TAF4B: variants seen among roughly 807,000 people sequenced by gnomAD.
The protein encoded by TAF4B is TATA-box binding protein associated factor 4b.
A neutral mutation model predicts 86.4 loss-of-function variants in TAF4B; 38 were observed. That is an observed-to-expected ratio of 0.44 (90% CI 0.34 to 0.58). The LOEUF (loss-of-function observed/expected upper bound fraction) is 0.58, where lower values mean the gene tolerates loss of function less well. Among genes scored for constraint, TAF4B ranks in the 20% least tolerant of loss-of-function variants. TAF4B has a pLI of 0.02. For synonymous variants in TAF4B, 388 were observed against 391.2 expected (o/e 0.99, Z 0.10); for missense variants, 988 against 1,027.6 (o/e 0.96, Z 0.53).
intron 7 of TAF4B, among the ~76,000 whole-genome samples, chr18:26,289,314 G>A (rs937072996): frequency 5.9e-5 from 9 of 152,072 alleles, no homozygotes; most frequent in Admixed American, 2.6e-4. Context: ...AAGAAATATG[G>A]CAAATAATCA....
rs1439380597 is a variant in TAF4B, at chr18:26,279,226, A to T, written c.883-2745A>T. 2.6e-5 allele frequency among the ~76,000 whole-genome samples: 4 copies of T among 152,240 alleles called. No individual in the cohort carries two copies. The South Asian group carries it at 6.2e-4, about 24-fold the overall frequency. ...AAAATCAGCATTTCTATACACCAAAAATGTTCTAGCTAAGAGCCAAATCAA... is the reference window on the plus strand; with the variant it reads ...AAAATCAGCATTTCTATACACCAAATATGTTCTAGCTAAGAGCCAAATCAA... On this transcript the variant is annotated intron_variant, in intron 5 of 14. Coordinates refer to ENST00000269142, the MANE Select transcript of TAF4B (RefSeq NM_005640.3).
intron 1 of TAF4B, among the ~76,000 whole-genome samples, chr18:26,237,431 G>A (rs758609053): frequency 3.3e-5 from 5 of 152,122 alleles, no homozygotes; most frequent in Non-Finnish European, 5.9e-5. Flanking sequence ...ATGTATCCAG[G>A]TTGGGCCAAA....
At chr18:26,241,509 A>G (rs1196082919) in intron 1 of TAF4B, among the ~76,000 whole-genome samples, 1 of 151,990 alleles carries the variant, frequency 6.6e-6, no homozygotes, top group Admixed American at 6.5e-5. Context: ...CGGACTATTA[A>G]TTTTGTTGAT....
chr18:26,292,526 T>TA (rs764534708), intron 8 of TAF4B, 145 bp downstream of exon 8: 6 of 876,050 alleles, frequency 6.8e-6, no homozygotes, highest in Non-Finnish European at 8.4e-6. Context: ...AGATAATCGT[T>TA]AGATTTCTCT....
At chr18:26,373,765 A>G (rs1159223836) in intron 14 of TAF4B, among the ~76,000 whole-genome samples, 1 of 152,026 alleles carries the variant, frequency 6.6e-6, no homozygotes, top group Non-Finnish European at 1.5e-5. Flanking sequence ...ATTTGTATTC[A>G]TTCATTCATT....
At chr18:26,245,077 C>T (rs962071107) in intron 1 of TAF4B, among the ~76,000 whole-genome samples, 5 of 152,156 alleles carry the variant, frequency 3.3e-5, no homozygotes, top group Admixed American at 2.6e-4. Flanking sequence ...TGTTAGAGAG[C>T]CCTTTCCCAG....
intron 5 of TAF4B, among the ~76,000 whole-genome samples, chr18:26,278,565 C>T (rs186981186): frequency 2.0e-5 from 3 of 151,524 alleles, no homozygotes; most frequent in Admixed American, 1.3e-4. Context: ...ACCCTTGGCC[C>T]GCCAAAGTAC....
chr18:26,372,822 T>A (rs1232094583), intron 14 of TAF4B, among the ~76,000 whole-genome samples: 7 of 95,558 alleles, frequency 7.3e-5, no homozygotes, highest in Non-Finnish European at 1.5e-4. Flanking sequence ...TACAAAAAAA[T>A]AGCCGGGCAT....
At chr18:26,336,379 T>TTAA (rs1285475919) in intron 13 of TAF4B, among the ~76,000 whole-genome samples, 4 of 152,174 alleles carry the variant, frequency 2.6e-5, no homozygotes, top group African/African-American at 7.2e-5. Flanking sequence ...TAAAGGCCCT[T>TTAA]ATTGTTTGGA....
At chr18:26,360,404 A>G (rs1436209199) in intron 14 of TAF4B, among the ~76,000 whole-genome samples, 2 of 152,210 alleles carry the variant, frequency 1.3e-5, no homozygotes, top group Non-Finnish European at 2.9e-5. Flanking sequence ...AAGGAAATAG[A>G]ACAACCCATT....
intron 1 of TAF4B, among the ~76,000 whole-genome samples, chr18:26,229,700 A>ATTTTTAGTAGAGATGG (rs2055634568): frequency 6.6e-6 from 1 of 151,846 alleles, no homozygotes; most frequent in Non-Finnish European, 1.5e-5. Flanking sequence ...ATGGGGTTTC[A>ATTTTTAGTAGAGATGG]CCATGTTGGC....
chr18:26,289,177 C>CGA (rs10646380), intron 7 of TAF4B, among the ~76,000 whole-genome samples: 141,059 of 152,144 alleles, frequency 0.93, 65,764 homozygotes, highest in East Asian at 0.99. Context: ...TAATATTACT[C>CGA]GTTTGAAAGT....
At chr18:26,336,420 A>T (rs1359482080) in intron 13 of TAF4B, among the ~76,000 whole-genome samples, 1 of 152,186 alleles carries the variant, frequency 6.6e-6, no homozygotes, top group East Asian at 1.9e-4. Context: ...AAACAAGTGG[A>T]AATCTAGTAA....
chr18:26,255,562 A>G, intron 1 of TAF4B: 1 of 582,236 alleles, frequency 1.7e-6, no homozygotes, highest in Non-Finnish European at 3.0e-6. Context: ...AGATCACGCC[A>G]CTGCACTCCA....
chr18:26,246,093 A>G (rs567172197), intron 1 of TAF4B, among the ~76,000 whole-genome samples: 1 of 152,246 alleles, frequency 6.6e-6, no homozygotes, highest in Non-Finnish European at 1.5e-5. Flanking sequence ...TGTAATCAAC[A>G]GTATTAATAC....
intron 1 of TAF4B, among the ~76,000 whole-genome samples, chr18:26,239,234 C>T (rs1426960152): frequency 6.6e-6 from 1 of 152,204 alleles, no homozygotes; most frequent in Non-Finnish European, 1.5e-5. Context: ...TATTTCTCCA[C>T]ATCCTCTCCA....
chr18:26,355,635 G>A (rs549866248), intron 13 of TAF4B, among the ~76,000 whole-genome samples: 1 of 152,292 alleles, frequency 6.6e-6, no homozygotes, highest in South Asian at 2.1e-4. Flanking sequence ...TTTGCAGAAT[G>A]GGAGAAAATG....
rs556119616 is a variant in TAF4B at position 26,361,740 on chromosome 18, G to A, written c.2421+3946G>A. 1.4e-4 allele frequency among the ~76,000 whole-genome samples: 16 copies of A among 116,076 alleles called. No individual in the cohort carries two copies. In the East Asian group the frequency reaches 2.4e-3, roughly 18 times the overall value. 76.2% of individuals were successfully genotyped at this position (116,076 alleles called of 152,430 possible). On this transcript the variant is annotated intron_variant, in intron 14 of 14. Transcript: ENST00000269142. ...AGCCTGAGCAACAGAGTGAGACTCC[G>A]TCTCAAAAAAAAAAAAAAAAAAAAA...
chr18:26,261,961 T>C (rs1260128587), intron 1 of TAF4B, among the ~76,000 whole-genome samples: 1 of 152,210 alleles, frequency 6.6e-6, no homozygotes, highest in Non-Finnish European at 1.5e-5. Context: ...GTGATATCCC[T>C]GCTCTAGGAA....
Sources: allele counts gnomAD v4.1 joint callset (sites outside exome capture counted in the v4.1 genomes callset), GRCh38; gene constraint gnomAD v4.1.1; transcripts MANE v1.5; gene names NCBI Gene and HGNC (gene_info 2026-07-23, HGNC 2026-07-21).